DYNC1I2: variants seen among roughly 807,000 people sequenced by gnomAD.
DYNC1I2 encodes the protein cytoplasmic dynein 1 intermediate chain 2.
Under a neutral mutation model 88.6 loss-of-function variants are expected in DYNC1I2, and 53 were observed. The observed-to-expected ratio is 0.60, with a 90% confidence interval of 0.48 to 0.75. DYNC1I2 has a LOEUF of 0.75. Among genes scored for constraint, DYNC1I2 ranks in the 30% least tolerant of loss-of-function variants. The pLI, the probability that DYNC1I2 is intolerant of heterozygous loss-of-function variation, is 0.00. For missense variants in DYNC1I2, 458 were observed against 766.6 expected, an observed-to-expected ratio of 0.60 and a Z score of 4.75; for synonymous variants, 198 against 254.6, an observed-to-expected ratio of 0.78 and a Z score of 2.12.
chr2:171,721,702 T>C (rs1687917441), intron 7 of DYNC1I2, among the ~76,000 whole-genome samples: 1 of 152,210 alleles, frequency 6.6e-6, no homozygotes, highest in Admixed American at 6.5e-5. Flanking sequence ...GCTTCCTTTA[T>C]ACCAGGAATA....
At chr2:171,727,017 T>C in intron 11 of DYNC1I2, 101 bp downstream of exon 11, 1 of 1,321,822 alleles carries the variant, frequency 7.6e-7, no homozygotes, top group Non-Finnish European at 1.0e-6. Context: ...ATGATTTCAT[T>C]GGATTGGCAT....
chr2:171,724,209 T>C (rs933725485), intron 7 of DYNC1I2, among the ~76,000 whole-genome samples: 4 of 152,326 alleles, frequency 2.6e-5, no homozygotes, highest in East Asian at 1.9e-4. Context: ...TACAGTGTCA[T>C]TTAAAGCTTT....
intron 7 of DYNC1I2, among the ~76,000 whole-genome samples, chr2:171,717,152 T>C (rs2105616265): frequency 6.7e-6 from 1 of 148,542 alleles, no homozygotes; most frequent in South Asian, 2.1e-4. Flanking sequence ...TTTTTTTTTT[T>C]TTTTTTTTGA....
At position 171,692,919 on chromosome 2, in the gene DYNC1I2, A is replaced by G. The variant is rs915903276; in HGVS notation, c.226+25A>G. 5 of 1,493,536 alleles carry G rather than the reference A, an allele frequency of 3.3e-6. No individual in the cohort carries two copies. The African/African-American group carries it at 5.5e-5, about 17-fold the overall frequency. 92.5% of individuals were successfully genotyped at this position (1,493,536 alleles called of 1,614,324 possible). On this transcript the variant is annotated intron_variant, in intron 3 of 17. Transcript: ENST00000397119. The stretch of plus-strand genomic sequence containing the variant: ...GGTAAGGTTAAGAATATATCCATTT[A>G]TAAGAGATAGGCATAGATTCTGTTC...
At chr2:171,724,092 C>T (rs1219325590) in intron 7 of DYNC1I2, among the ~76,000 whole-genome samples, 1 of 152,144 alleles carries the variant, frequency 6.6e-6, no homozygotes, top group Non-Finnish European at 1.5e-5. Flanking sequence ...TATCCTAGTT[C>T]TGTAAACTTG....
intron 3 of DYNC1I2, among the ~76,000 whole-genome samples, chr2:171,701,742 T>TG (rs1474561761): frequency 6.6e-6 from 1 of 152,182 alleles, no homozygotes; most frequent in Non-Finnish European, 1.5e-5. Flanking sequence ...TATAAGACAG[T>TG]GGGGAAGGTA....
intron 7 of DYNC1I2, among the ~76,000 whole-genome samples, chr2:171,721,229 G>A (rs1261640983): frequency 6.6e-6 from 1 of 151,054 alleles, no homozygotes; most frequent in Admixed American, 6.6e-5. Context: ...CCCCAAGTTA[G>A]CATTACATCT....
chr2:171,700,670 C>T (rs764375975), intron 3 of DYNC1I2, among the ~76,000 whole-genome samples: 35 of 151,956 alleles, frequency 2.3e-4, no homozygotes, highest in Non-Finnish European at 3.8e-4. Context: ...CTTGCTGTGT[C>T]GCCCAGGCTG....
At chr2:171,730,398 G>A (rs1382827385) in intron 15 of DYNC1I2, among the ~76,000 whole-genome samples, 1 of 152,166 alleles carries the variant, frequency 6.6e-6, no homozygotes, top group East Asian at 1.9e-4. Flanking sequence ...TCTATGATAA[G>A]CAGTTTAAAT....
At chr2:171,747,720 TG>T in intron 17 of DYNC1I2, 55 bp from the exon 18 acceptor site, 2 of 1,237,826 alleles carry the variant, frequency 1.6e-6, no homozygotes, top group South Asian at 1.4e-5. Context: ...TGAATAATAG[TG>T]GGTAAAATGA....
intron 14 of DYNC1I2, 28 bp from the exon 15 acceptor site, chr2:171,729,681 T>C: frequency 1.2e-6 from 2 of 1,611,264 alleles, no homozygotes; most frequent in Non-Finnish European, 1.7e-6. Context: ...AGGAGACTTC[T>C]CTAACATTTT....
intron 5 of DYNC1I2, among the ~76,000 whole-genome samples, chr2:171,709,652 A>T (rs909991815): frequency 2.0e-5 from 3 of 152,212 alleles, no homozygotes; most frequent in Non-Finnish European, 4.4e-5. Flanking sequence ...GATAATGAAT[A>T]CAAAATTGGT....
chr2:171,698,950 C>T (rs1277892489), intron 3 of DYNC1I2, among the ~76,000 whole-genome samples: 2 of 152,128 alleles, frequency 1.3e-5, no homozygotes, highest in Non-Finnish European at 2.9e-5. Flanking sequence ...CCACCCACCT[C>T]AGCCTCCCAT....
chr2:171,729,588 G>A (rs1278363032), intron 14 of DYNC1I2, 121 bp from the exon 15 acceptor site: 2 of 1,001,280 alleles, frequency 2.0e-6, no homozygotes, highest in African/African-American at 1.6e-5. Context: ...TAAGTTATGA[G>A]CACAGAGTTA....
At chr2:171,723,296 T>G (rs1010663919) in intron 7 of DYNC1I2, among the ~76,000 whole-genome samples, 7 of 152,254 alleles carry the variant, frequency 4.6e-5, no homozygotes, top group Admixed American at 1.3e-4. Flanking sequence ...CTGTCCTGGG[T>G]GATTCAAAAT....
intron 5 of DYNC1I2, among the ~76,000 whole-genome samples, chr2:171,709,202 A>C (rs1294572930): frequency 2.0e-5 from 3 of 152,186 alleles, no homozygotes; most frequent in Admixed American, 6.5e-5. Flanking sequence ...TGAATAGTAG[A>C]TTATTTTAAT....
intron 17 of DYNC1I2, among the ~76,000 whole-genome samples, chr2:171,747,309 G>A (rs1689864458): frequency 6.7e-6 from 1 of 150,286 alleles, no homozygotes; most frequent in Admixed American, 6.7e-5. Context: ...GTAAATAGTA[G>A]CACAGCTTTT....
intron 3 of DYNC1I2, among the ~76,000 whole-genome samples, chr2:171,702,970 C>T (rs1004181144): frequency 1.3e-5 from 2 of 152,188 alleles, no homozygotes; most frequent in African/African-American, 4.8e-5. Flanking sequence ...AGCGATCCTC[C>T]TGCCTTGACC....
intron 3 of DYNC1I2, among the ~76,000 whole-genome samples, chr2:171,694,120 C>A (rs1284975779): frequency 1.3e-5 from 2 of 151,870 alleles, no homozygotes; most frequent in African/African-American, 4.8e-5. Flanking sequence ...TCACTGCAAC[C>A]TCCACCTCCT....
Sources: gnomAD v4.1 joint callset for allele counts (sites outside exome capture counted in the v4.1 genomes callset) on GRCh38, gnomAD v4.1.1 for gene constraint, MANE v1.5 for transcripts, NCBI Gene and HGNC (gene_info 2026-07-23, HGNC 2026-07-21) for gene names.